CPA5: variants seen among roughly 807,000 people sequenced by gnomAD.
CPA5 encodes the protein carboxypeptidase A5, also known as testicular tissue protein Li 32.
In CPA5, 38 loss-of-function variants were observed where a neutral mutation model predicts 52.2. The ratio of observed to expected loss-of-function variants is 0.73; its 90% CI spans 0.56 to 0.95. The LOEUF (loss-of-function observed/expected upper bound fraction) is 0.95. Ranked by LOEUF, CPA5 falls within the 40% of genes least tolerant of loss-of-function variation. The pLI, the probability that CPA5 is intolerant of heterozygous loss-of-function variation, is 0.00. For missense variants in CPA5, 519 were observed against 566.7 expected (o/e 0.92, Z 0.86); for synonymous variants, 198 against 213.7 (o/e 0.93, Z 0.64).
At chr7:130,347,333 A>G (rs1393393697) in intron 3 of CPA5, among the ~76,000 whole-genome samples, 1 of 152,210 alleles carries the variant, frequency 6.6e-6, no homozygotes, top group Admixed American at 6.5e-5. Flanking sequence ...GAGACAGACC[A>G]TGGCCTTGGG....
chr7:130,350,120 GC>G lies in CPA5; in HGVS notation c.333+15del. ...ATAAAGGACATCCAGGTGAAGCCCT[GC>G]CCCAGCTGGGACCCTGCCTTCCGCC... On this transcript the variant is annotated intron_variant, in intron 5 of 12. Transcript: ENST00000474905. 6.2e-7 allele frequency: 1 copy of G among 1,607,178 alleles called. No individual in the cohort carries two copies.
chr7:130,373,239 T>C (rs1055460019), downstream of CPA5, among the ~76,000 whole-genome samples: 8 of 151,996 alleles, frequency 5.3e-5, no homozygotes, highest in Non-Finnish European at 1.0e-4. Context: ...TTCTGAAGTA[T>C]ATAATGCTAA....
chr7:130,364,312 C>T (rs1301515568), intron 10 of CPA5, among the ~76,000 whole-genome samples: 3 of 152,322 alleles, frequency 2.0e-5, no homozygotes, highest in South Asian at 4.2e-4. Flanking sequence ...CCTGTCTCAG[C>T]CTCCTGAGTA....
At chr7:130,365,404 T>A (rs533079053) in intron 10 of CPA5, among the ~76,000 whole-genome samples, 1 of 152,220 alleles carries the variant, frequency 6.6e-6, no homozygotes, top group South Asian at 2.1e-4. Flanking sequence ...AAAATATCCA[T>A]ATACACACAG....
chr7:130,351,548 C>T lies in CPA5; in HGVS notation c.333+1439C>T, dbSNP rs181190587. Among the ~76,000 whole-genome samples, 4 of 152,260 alleles carry T rather than the reference C, an allele frequency of 2.6e-5. No homozygotes were observed. The East Asian group carries it at 7.7e-4, about 29-fold the overall frequency. ...TCTGACCTCTTAACCTTGATCCAGCCAGGCAGGATTTTCACCAACTCGCTC... is the reference window on the plus strand; with the variant it reads ...TCTGACCTCTTAACCTTGATCCAGCTAGGCAGGATTTTCACCAACTCGCTC... On this transcript the variant is annotated intron_variant, in intron 5 of 12. Coordinates refer to ENST00000474905, the MANE Select transcript of CPA5 (RefSeq NM_080385.5).
rs1794993528 is a variant in CPA5, at chr7:130,349,491, A to G, written c.199-484A>G. 3.3e-5 allele frequency among the ~76,000 whole-genome samples: 5 copies of G among 152,314 alleles called. No individual in the cohort carries two copies. In the South Asian group the frequency reaches 1.0e-3, roughly 32 times the overall value. On this transcript the variant is annotated intron_variant, in intron 4 of 12. Transcript: ENST00000474905. The stretch of plus-strand genomic sequence containing the variant: ...CAAAAACATAGAAAGAGTGAATAAA[A>G]TCTAGTATTTAATAGCACAACAGGG...
At chr7:130,363,066 G>A in intron 9 of CPA5, 72 bp downstream of exon 9, 1 of 932,838 alleles carries the variant, frequency 1.1e-6, no homozygotes, top group Non-Finnish European at 1.7e-6. Flanking sequence ...ACTGTGCTTT[G>A]GGAACCAGCC....
intron 5 of CPA5, among the ~76,000 whole-genome samples, chr7:130,358,101 TC>T (rs1795591214): frequency 6.6e-6 from 1 of 151,990 alleles, no homozygotes; most frequent in South Asian, 2.1e-4. Context: ...GCTCAAGCAG[TC>T]CTCCTGCCTC....
downstream of CPA5, among the ~76,000 whole-genome samples, chr7:130,372,928 C>T (rs373235658): frequency 2.0e-4 from 31 of 152,256 alleles, no homozygotes; most frequent in African/African-American, 4.6e-4. Context: ...TAGCCCAACC[C>T]GCTCATTTTT....
At chr7:130,359,196 CT>C (rs1795656659) in intron 5 of CPA5, among the ~76,000 whole-genome samples, 2 of 152,262 alleles carry the variant, frequency 1.3e-5, no homozygotes, top group South Asian at 4.2e-4. Context: ...CTGTGAGCAC[CT>C]TTTTTCCCCC....
Position 130,347,831 on chromosome 7 carries a change from G to T in CPA5, c.182G>T (p.Gly61Val). 1 of 1,613,958 alleles carries T rather than the reference G, an allele frequency of 6.2e-7. No individual in the cohort carries two copies. Residue 61 changes from glycine (G) to valine (V), a missense_variant, in exon 4 of 13, where the codon GGC becomes GTC. By Grantham distance (109) the Gly-to-Val change is moderately radical (BLOSUM62 -3). Transcript: ENST00000474905. The part of the protein sequence containing the change: ...KQLSLLGDLE[G>V]LKPQKVDFWR... ...CTTTCACTTCTCGGGGATCTGGAGGGCCTGAAACCCCAGAAGGTGAGGACT... is the reference window on the plus strand; with the variant it reads ...CTTTCACTTCTCGGGGATCTGGAGGTCCTGAAACCCCAGAAGGTGAGGACT...
intron 5 of CPA5, among the ~76,000 whole-genome samples, chr7:130,353,571 A>G (rs1795307540): frequency 6.6e-6 from 1 of 152,138 alleles, no homozygotes; most frequent in Admixed American, 6.5e-5. Flanking sequence ...GGAAATGGCA[A>G]CACCATCCTT....
chr7:130,374,172 C>A, the CPA5 span, among the ~76,000 whole-genome samples: 1 of 152,202 alleles, frequency 6.6e-6, no homozygotes, highest in East Asian at 1.9e-4. Context: ...GCTGATACCC[C>A]TTCTGTAGCA....
At chr7:130,364,522 A>G (rs1449684087) in intron 10 of CPA5, among the ~76,000 whole-genome samples, 9 of 152,216 alleles carry the variant, frequency 5.9e-5, no homozygotes, top group Non-Finnish European at 1.5e-5. Context: ...AATTTTGTAG[A>G]GACGTGGTTT....
In CPA5 at chr7:130,368,716, C is replaced by A; in HGVS notation, c.*119C>A. The A allele has an allele frequency of 9.5e-7, 1 of 1,053,418 alleles. No individual in the cohort carries two copies. The highest frequency in any genetic ancestry group is 1.4e-6 in the Non-Finnish European group (1 of 719,886). 65.3% of individuals were successfully genotyped at this position (1,053,418 alleles called of 1,614,324 possible). The stretch of plus-strand genomic sequence containing the variant: ...ATCCCGACCTCTTAGAAAATAAATA[C>A]AAGTTTGAACAGGCTTCGCTGCCTC... On this transcript the variant is annotated 3_prime_UTR_variant, in exon 13 of 13. Coordinates refer to ENST00000474905, the MANE Select transcript of CPA5 (RefSeq NM_080385.5).
chr7:130,349,173 C>T (rs1794969341), intron 4 of CPA5, among the ~76,000 whole-genome samples: 1 of 152,160 alleles, frequency 6.6e-6, no homozygotes, highest in African/African-American at 2.4e-5. Flanking sequence ...TGGCTCATGC[C>T]TGCAATCCCA....
downstream of CPA5, among the ~76,000 whole-genome samples, chr7:130,370,910 T>C (rs1422384694): frequency 1.3e-5 from 2 of 152,214 alleles, no homozygotes; most frequent in Non-Finnish European, 2.9e-5. Context: ...ATTCCAGTCT[T>C]CCGGGGGGAG....
intron 1 of CPA5, 76 bp from the exon 2 acceptor site, chr7:130,345,763 A>G (rs1794695025): frequency 6.6e-6 from 1 of 152,194 alleles, no homozygotes; most frequent in Admixed American, 6.5e-5. Flanking sequence ...CCCCATCGCC[A>G]CTGGAGGACT....
At chr7:130,367,146 C>T (rs1796133821) in intron 10 of CPA5, among the ~76,000 whole-genome samples, 1 of 151,926 alleles carries the variant, frequency 6.6e-6, no homozygotes, top group South Asian at 2.1e-4. Context: ...CTTCCAGCCA[C>T]ACAGACAGAA....
Sources: allele counts gnomAD v4.1 joint callset (sites outside exome capture counted in the v4.1 genomes callset), GRCh38; gene constraint gnomAD v4.1.1; transcripts MANE v1.5; gene names NCBI Gene and HGNC (gene_info 2026-07-23, HGNC 2026-07-21).